The following GRIP1 variants were observed in gnomAD, a reference collection of about 807,000 sequenced individuals.
The protein encoded by GRIP1 is glutamate receptor-interacting protein 1.
In GRIP1, 45 loss-of-function variants were observed where a neutral mutation model predicts 129.9. That is an observed-to-expected ratio of 0.35 (90% CI 0.27 to 0.44). The LOEUF (loss-of-function observed/expected upper bound fraction) is 0.44, where lower values mean the gene tolerates loss of function less well. Ranked by LOEUF, GRIP1 falls within the 20% of genes least tolerant of loss-of-function variation. The pLI is 1.00. For synonymous variants in GRIP1, 530 were observed against 520.8 expected, an observed-to-expected ratio of 1.02 and a Z score of -0.24; for missense variants, 1,196 against 1,396.8, an observed-to-expected ratio of 0.86 and a Z score of 2.29.
At chr12:66,963,594 A>T (rs1341740222) in intron 1 of GRIP1, among the ~76,000 whole-genome samples, 2 of 152,204 alleles carry the variant, frequency 1.3e-5, no homozygotes, top group Non-Finnish European at 2.9e-5. Flanking sequence ...ACATAACAAT[A>T]AGGAATTCAA....
At chr12:66,937,836 A>T (rs1258725428) in intron 1 of GRIP1, among the ~76,000 whole-genome samples, 1 of 152,166 alleles carries the variant, frequency 6.6e-6, no homozygotes. Flanking sequence ...GGTCATAGTA[A>T]AGATTACAAC....
chr12:66,920,291 G>T (rs145422751), intron 1 of GRIP1, among the ~76,000 whole-genome samples: 1 of 151,932 alleles, frequency 6.6e-6, no homozygotes, highest in African/African-American at 2.4e-5. Context: ...GTACTTCCTC[G>T]TGCTTTTACT....
At chr12:66,389,429 C>T (rs910327552) in intron 19 of GRIP1, among the ~76,000 whole-genome samples, 4 of 151,910 alleles carry the variant, frequency 2.6e-5, no homozygotes, top group Admixed American at 6.6e-5. Context: ...GGTTTCGCCA[C>T]GTTGCTCAGG....
intron 5 of GRIP1, among the ~76,000 whole-genome samples, chr12:66,525,779 ACCC>A (rs1169317353): frequency 6.6e-6 from 1 of 151,970 alleles, no homozygotes; most frequent in African/African-American, 2.4e-5. Context: ...TATCTAGAAA[ACCC>A]CATCGTCTCA....
intron 1 of GRIP1, among the ~76,000 whole-genome samples, chr12:66,785,335 C>CATAGATATATATATATATATAT (rs1448856691): frequency 3.6e-5 from 1 of 27,792 alleles, no homozygotes; most frequent in Non-Finnish European, 9.1e-5. Flanking sequence ...TACATACATA[C>CATAGATATATATATATATATAT]ATACATACAT....
At chr12:66,769,698 A>G (rs1030842757) in intron 1 of GRIP1, among the ~76,000 whole-genome samples, 1 of 152,130 alleles carries the variant, frequency 6.6e-6, no homozygotes, top group Non-Finnish European at 1.5e-5. Context: ...GGGAAAAAAA[A>G]AATCTCCCTT....
intron 1 of GRIP1, among the ~76,000 whole-genome samples, chr12:66,701,013 G>C (rs1488733127): frequency 2.6e-5 from 4 of 152,116 alleles, no homozygotes; most frequent in African/African-American, 9.7e-5. Context: ...ACTCCTGTCT[G>C]GCAGAGGAGG....
In GRIP1 at chr12:66,436,056, T is replaced by C. The variant is rs540136142; in HGVS notation, c.1688-3428A>G. The stretch of plus-strand genomic sequence containing the variant: ...AAACAGCAGGTTTAGAGGAAGTACA[T>C]AGAATCTAAGAACAAATGATGTTTA... On this transcript the variant is annotated intron_variant, in intron 13 of 24. Transcript: ENST00000359742. Among the ~76,000 whole-genome samples the C allele has an allele frequency of 1.2e-4, 18 of 152,364 alleles. No individual in the cohort carries two copies. The East Asian group carries it at 2.3e-3, about 20-fold the overall frequency.
At chr12:66,735,389 T>C (rs115036403) in intron 1 of GRIP1, among the ~76,000 whole-genome samples, 350 of 152,236 alleles carry the variant, frequency 2.3e-3, no homozygotes, top group African/African-American at 7.9e-3. Context: ...AGAAAAGTTA[T>C]AGGAACAAAG....
At chr12:66,564,721 G>T (rs1190118181) in intron 2 of GRIP1, among the ~76,000 whole-genome samples, 1 of 152,130 alleles carries the variant, frequency 6.6e-6, no homozygotes, top group Non-Finnish European at 1.5e-5. Flanking sequence ...CACAATGGTT[G>T]AACTAGTTTA....
chr12:66,874,000 C>T (rs915309174), intron 1 of GRIP1, among the ~76,000 whole-genome samples: 1 of 152,064 alleles, frequency 6.6e-6, no homozygotes, highest in African/African-American at 2.4e-5. Context: ...ACAAGTTCTG[C>T]TACAAAGGGT....
intron 1 of GRIP1, among the ~76,000 whole-genome samples, chr12:66,833,749 ATTAT>A (rs2039559543): frequency 6.6e-6 from 1 of 152,202 alleles, no homozygotes; most frequent in Non-Finnish European, 1.5e-5. Context: ...AAGTCACAAC[ATTAT>A]TTATCTATCT....
intron 1 of GRIP1, among the ~76,000 whole-genome samples, chr12:66,987,977 T>C (rs905031631): frequency 3.3e-5 from 5 of 152,184 alleles, no homozygotes; most frequent in African/African-American, 9.6e-5. Flanking sequence ...CCTCAGTCAA[T>C]AGGTAGTTAC....
At chr12:66,749,116 C>G (rs747838565) in intron 1 of GRIP1, among the ~76,000 whole-genome samples, 16 of 152,144 alleles carry the variant, frequency 1.1e-4, no homozygotes, top group Admixed American at 2.6e-4. Flanking sequence ...TTATAGAACC[C>G]CTGATTTTAG....
chr12:66,414,292 C>A (rs115589012), intron 15 of GRIP1, among the ~76,000 whole-genome samples: 1 of 152,082 alleles, frequency 6.6e-6, no homozygotes, highest in Non-Finnish European at 1.5e-5. Context: ...CATTCTTATA[C>A]ACCAACAATA....
At chr12:66,455,017 A>G (rs2058915767) in intron 11 of GRIP1, among the ~76,000 whole-genome samples, 1 of 152,202 alleles carries the variant, frequency 6.6e-6, no homozygotes, top group Non-Finnish European at 1.5e-5. Flanking sequence ...CGTTTTCACA[A>G]AATTTCTTTA....
At chr12:66,791,078 G>A (rs2038518050) in intron 1 of GRIP1, among the ~76,000 whole-genome samples, 1 of 152,212 alleles carries the variant, frequency 6.6e-6, no homozygotes, top group Admixed American at 6.5e-5. Context: ...GATCGCTGGT[G>A]ATCTCTGCTG....
intron 1 of GRIP1, among the ~76,000 whole-genome samples, chr12:66,761,646 A>C (rs986680794): frequency 6.6e-6 from 1 of 152,178 alleles, no homozygotes; most frequent in African/African-American, 2.4e-5. Flanking sequence ...CAGGTATTTC[A>C]TATTGACCTG....
intron 23 of GRIP1, among the ~76,000 whole-genome samples, chr12:66,360,546 C>T (rs989890931): frequency 5.3e-5 from 8 of 152,168 alleles, no homozygotes; most frequent in African/African-American, 1.4e-4. Context: ...GGCTAGGATA[C>T]AGTTCTACAA....
Sources: allele counts gnomAD v4.1 joint callset (sites outside exome capture counted in the v4.1 genomes callset), GRCh38; gene constraint gnomAD v4.1.1; transcripts MANE v1.5; gene names NCBI Gene and HGNC (gene_info 2026-07-23, HGNC 2026-07-21).